EXTL3: variants seen among roughly 807,000 people sequenced by gnomAD.
The protein encoded by EXTL3 is exostosin-like 3.
A neutral mutation model predicts 69.3 loss-of-function variants in EXTL3; 27 were observed. The observed-to-expected ratio is 0.39, with a 90% CI of 0.29 to 0.54. The LOEUF is 0.54. Ranked by LOEUF, EXTL3 falls within the 20% of genes least tolerant of loss-of-function variation. The probability of loss-of-function intolerance (pLI) is 0.69; values close to 1 mark genes in which losing one functional copy is unlikely to be tolerated. For synonymous variants in EXTL3, 511 were observed against 499.4 expected (o/e 1.02, Z -0.31); for missense variants, 1,003 against 1,231.8 (o/e 0.81, Z 2.78).
intron 1 of EXTL3, chr8:28,696,144 A>G (rs1174877656): frequency 3.3e-5 from 5 of 152,154 alleles, no homozygotes; most frequent in Admixed American, 2.6e-4. Context: ...CTTCTCCCAC[A>G]TCAGCCTCCC....
intron 3 of EXTL3, among the ~76,000 whole-genome samples, chr8:28,722,496 C>T (rs1225885207): frequency 6.6e-6 from 1 of 151,918 alleles, no homozygotes; most frequent in Non-Finnish European, 1.5e-5. Context: ...AATGATAGTG[C>T]CGGGCGCAGT....
chr8:28,635,138 T>C (rs1050320617), intron 1 of EXTL3, among the ~76,000 whole-genome samples: 2 of 152,166 alleles, frequency 1.3e-5, no homozygotes, highest in Admixed American at 1.3e-4. Context: ...TAAAAGATGA[T>C]GTTGATGAAT....
chr8:28,686,024 C>CA (rs1807571800), intron 1 of EXTL3: 1 of 151,986 alleles, frequency 6.6e-6, no homozygotes, highest in African/African-American at 2.4e-5. Context: ...TGCCACCATG[C>CA]CCAGTTAATG....
At chr8:28,635,598 C>G (rs1235478416) in intron 1 of EXTL3, among the ~76,000 whole-genome samples, 1 of 149,716 alleles carries the variant, frequency 6.7e-6, no homozygotes, top group Admixed American at 6.6e-5. Context: ...GTAGTCCCAG[C>G]TACTTAGGAG....
intron 1 of EXTL3, among the ~76,000 whole-genome samples, chr8:28,684,958 G>GT (rs1554480470): frequency 4.3e-4 from 61 of 140,342 alleles, no homozygotes; most frequent in African/African-American, 1.7e-3. Context: ...ATAATGTTGT[G>GT]TTTTTTTTTC....
intron 1 of EXTL3, among the ~76,000 whole-genome samples, chr8:28,706,045 C>T (rs940857369): frequency 6.6e-6 from 1 of 152,160 alleles, no homozygotes; most frequent in Non-Finnish European, 1.5e-5. Context: ...ACATTGTGAA[C>T]ATGTTTTCAT....
intron 5 of EXTL3, chr8:28,740,940 C>G (rs1369947865): frequency 6.6e-6 from 1 of 152,070 alleles, no homozygotes; most frequent in Non-Finnish European, 1.5e-5. Context: ...AGGTCTGTTT[C>G]TAAATTAAAC....
At chr8:28,683,957 G>A (rs987164853) in intron 1 of EXTL3, among the ~76,000 whole-genome samples, 3 of 151,472 alleles carry the variant, frequency 2.0e-5, no homozygotes, top group Non-Finnish European at 2.9e-5. Flanking sequence ...GGTAACCATT[G>A]TTGTTCTACT....
chr8:28,647,088 C>T (rs1394883769), intron 1 of EXTL3, among the ~76,000 whole-genome samples: 1 of 151,870 alleles, frequency 6.6e-6, no homozygotes, highest in Non-Finnish European at 1.5e-5. Context: ...TGCTAATAAG[C>T]ATTCCTATTA....
chr8:28,690,480 G>T (rs1800596470), intron 1 of EXTL3, among the ~76,000 whole-genome samples: 1 of 152,144 alleles, frequency 6.6e-6, no homozygotes, highest in African/African-American at 2.4e-5. Flanking sequence ...GGTGGTGGTG[G>T]TGGTTTTGTT....
At position 28,750,574 on chromosome 8, in the gene EXTL3, T is replaced by C. The variant is rs1437452508; in HGVS notation, c.2551-83T>C. On this transcript the variant is annotated intron_variant, in intron 6 of 6. Coordinates refer to ENST00000220562, the MANE Select transcript of EXTL3 (RefSeq NM_001440.4). This position sits in a 1 kb window ranked among gnomAD's most constrained non-coding sequence, Gnocchi z 5.2. The stretch of plus-strand genomic sequence containing the variant: ...GGGATCAGCGTCTTCACCATGGACA[T>C]GGGAGTGTGGGATCGGCTCAGCTGC... The C allele has an allele frequency of 2.7e-6, 3 of 1,120,330 alleles. No homozygotes were observed. The highest frequency in any genetic ancestry group is 2.5e-5 in the South Asian group (2 of 79,940). The allele number at this position is 1,120,330 out of a possible 1,614,324, so 69.4% of individuals were successfully genotyped here. A position where few individuals can be genotyped will look rare whatever the true frequency, so the allele number is the denominator to read the frequency against.
chr8:28,703,364 A>G (rs1048790341), intron 1 of EXTL3, among the ~76,000 whole-genome samples: 1 of 152,238 alleles, frequency 6.6e-6, no homozygotes, highest in African/African-American at 2.4e-5. Context: ...TTAGGCCTCA[A>G]GAGTTTTGAC....
chr8:28,652,145 A>G (rs1806933832), intron 1 of EXTL3, among the ~76,000 whole-genome samples: 2 of 152,032 alleles, frequency 1.3e-5, no homozygotes, highest in African/African-American at 4.8e-5. Flanking sequence ...TAATACCTCA[A>G]TGAACATTGG....
At chr8:28,661,921 T>C (rs1323078746) in intron 1 of EXTL3, among the ~76,000 whole-genome samples, 1 of 151,216 alleles carries the variant, frequency 6.6e-6, no homozygotes, top group Non-Finnish European at 1.5e-5. Flanking sequence ...AATATAAATG[T>C]ATATATTACA....
rs2130545645 is a variant in EXTL3, at chr8:28,623,161, T to C, written c.-53+351T>C. On this transcript the variant is annotated intron_variant, in intron 1 of 6. Transcript: ENST00000523149. This position sits in a 1 kb window ranked among gnomAD's most constrained non-coding sequence, Gnocchi z 4.2. Reference sequence around the variant, plus strand: ...GAGTGTGGCTGTCGGCAGGGGTCCGTATCACACTGTGGGCGGGGGTCCCGA... The same window carrying C: ...GAGTGTGGCTGTCGGCAGGGGTCCGCATCACACTGTGGGCGGGGGTCCCGA... Among the ~76,000 whole-genome samples the C allele has an allele frequency of 6.6e-6, 1 of 151,984 alleles. No homozygotes were observed. Among genetic ancestry groups the C allele is most frequent in the East Asian group, 2.0e-4 (1 of 5,128 alleles).
intron 1 of EXTL3, among the ~76,000 whole-genome samples, chr8:28,641,495 T>A (rs1018292587): frequency 1.3e-5 from 2 of 152,180 alleles, no homozygotes; most frequent in African/African-American, 4.8e-5. Context: ...TATTTTTTTT[T>A]AAACGGAGTC....
At position 28,630,036 on chromosome 8, in the gene EXTL3, C is replaced by T. The variant is rs1240901508; in HGVS notation, c.-53+7226C>T. 1.3e-5 allele frequency among the ~76,000 whole-genome samples: 2 copies of T among 151,982 alleles called. 1 individual carries two copies. Among genetic ancestry groups the T allele is most frequent in the South Asian group, 4.2e-4 (2 of 4,814 alleles). On this transcript the variant is annotated intron_variant, in intron 1 of 6. Transcript: ENST00000523149. The stretch of plus-strand genomic sequence containing the variant: ...CGATGATGCATAAAGGTAGATAGAG[C>T]CTCTTTTTCTTTTTTAACTGATATG...
intron 1 of EXTL3, among the ~76,000 whole-genome samples, chr8:28,708,581 A>G (rs1800969846): frequency 6.6e-6 from 1 of 152,204 alleles, no homozygotes; most frequent in Non-Finnish European, 1.5e-5. Context: ...AAATCAGGAA[A>G]TGATGTTTTT....
At chr8:28,642,482 G>C (rs1008048017) in intron 1 of EXTL3, among the ~76,000 whole-genome samples, 1 of 151,368 alleles carries the variant, frequency 6.6e-6, no homozygotes. Context: ...GCTAGGTGTG[G>C]TAGCTCATAC....
Sources: allele counts gnomAD v4.1 joint callset (sites outside exome capture counted in the v4.1 genomes callset), GRCh38; gene constraint gnomAD v4.1.1; non-coding constraint Gnocchi (gnomAD v3.1); transcripts MANE v1.5; gene names NCBI Gene and HGNC (gene_info 2026-07-23, HGNC 2026-07-21).